RPSA2: variants seen among roughly 807,000 people sequenced by gnomAD.
The protein encoded by RPSA2 is small ribosomal subunit protein uS2B.
At chr19:23,827,847 G>T in the RPSA2 span, 1,085 of 1,356,226 alleles carry the variant, frequency 8.0e-4, 5 homozygotes, top group African/African-American at 0.014. Flanking sequence ...GAATTTCAGG[G>T]TGAATGGACT....
At chr19:23,863,197 C>T in the RPSA2 span, among the ~76,000 whole-genome samples, 1 of 152,136 alleles carries the variant, frequency 6.6e-6, no homozygotes, top group Admixed American at 6.6e-5. Flanking sequence ...GCAAACTTGG[C>T]TAAGAAATGC....
the RPSA2 span, among the ~76,000 whole-genome samples, chr19:23,778,603 G>T: frequency 6.6e-6 from 1 of 152,082 alleles, no homozygotes; most frequent in African/African-American, 2.4e-5. Context: ...TTCCTCTCCT[G>T]CCTGGTCCAT....
chr19:23,854,834 A>T, the RPSA2 span, among the ~76,000 whole-genome samples: 1 of 152,178 alleles, frequency 6.6e-6, no homozygotes, highest in South Asian at 2.1e-4. Flanking sequence ...CTCTGATCTA[A>T]TGCCTTCACA....
the RPSA2 span, among the ~76,000 whole-genome samples, chr19:23,784,645 A>T: frequency 6.6e-6 from 1 of 152,198 alleles, no homozygotes; most frequent in African/African-American, 2.4e-5. Flanking sequence ...AGTACACAGC[A>T]CACAGGTGGA....
At chr19:23,821,310 G>GC in the RPSA2 span, among the ~76,000 whole-genome samples, 1 of 152,204 alleles carries the variant, frequency 6.6e-6, no homozygotes, top group Non-Finnish European at 1.5e-5. Flanking sequence ...GGATAAGTAT[G>GC]CCACCAGGCG....
At chr19:23,802,150 C>G in the RPSA2 span, among the ~76,000 whole-genome samples, 1 of 152,168 alleles carries the variant, frequency 6.6e-6, no homozygotes, top group African/African-American at 2.4e-5. Context: ...GAGAGTGTGA[C>G]TCTTTGACCT....
At chr19:23,776,416 C>T in the RPSA2 span, among the ~76,000 whole-genome samples, 1 of 152,138 alleles carries the variant, frequency 6.6e-6, no homozygotes, top group Non-Finnish European at 1.5e-5. Flanking sequence ...CCACAGTGAA[C>T]ATTGTGAAAT....
chr19:23,802,041 A>G, the RPSA2 span, among the ~76,000 whole-genome samples: 3 of 152,244 alleles, frequency 2.0e-5, no homozygotes, highest in Non-Finnish European at 4.4e-5. Flanking sequence ...GGAATTTACA[A>G]GACAGGGCCA....
the RPSA2 span, among the ~76,000 whole-genome samples, chr19:23,866,222 C>G: frequency 1.8e-3 from 281 of 152,312 alleles, 1 homozygote; most frequent in Admixed American, 3.7e-3. Flanking sequence ...ACATGTCACA[C>G]AGGGATCACA....
chr19:23,792,677 G>A, the RPSA2 span, among the ~76,000 whole-genome samples: 2 of 151,364 alleles, frequency 1.3e-5, no homozygotes, highest in Non-Finnish European at 2.9e-5. Context: ...ACCAAGCCCG[G>A]CTAATTTTTG....
At chr19:23,861,380 G>C in the RPSA2 span, among the ~76,000 whole-genome samples, 1 of 152,082 alleles carries the variant, frequency 6.6e-6, no homozygotes, top group Non-Finnish European at 1.5e-5. Context: ...AGAGATAAGA[G>C]AGCCCCCCCA....
At chr19:23,761,931 T>TCTCTCTCTCTCTCTCTC in the RPSA2 span, among the ~76,000 whole-genome samples, 6 of 61,712 alleles carry the variant, frequency 9.7e-5, no homozygotes, top group African/African-American at 4.5e-4. Context: ...TTTTTTTTTT[T>TCTCTCTCTCTCTCTCTC]TTTTGAGATG....
At chr19:23,863,177 G>A in the RPSA2 span, among the ~76,000 whole-genome samples, 1 of 152,154 alleles carries the variant, frequency 6.6e-6, no homozygotes, top group African/African-American at 2.4e-5. Flanking sequence ...CTGATTTAAT[G>A]CAAATACAAG....
chr19:23,834,484 A>G, the RPSA2 span, among the ~76,000 whole-genome samples: 2 of 152,000 alleles, frequency 1.3e-5, no homozygotes, highest in Non-Finnish European at 2.9e-5. Flanking sequence ...TTAAGTAGAG[A>G]GGCTCTTTGT....
chr19:23,862,896 C>CTT, the RPSA2 span, among the ~76,000 whole-genome samples: 114 of 142,764 alleles, frequency 8.0e-4, no homozygotes, highest in African/African-American at 2.6e-3. Context: ...TTCTTTCTTT[C>CTT]TTTTTTTTTT....
the RPSA2 span, among the ~76,000 whole-genome samples, chr19:23,833,712 A>G: frequency 6.6e-6 from 1 of 152,160 alleles, no homozygotes; most frequent in Non-Finnish European, 1.5e-5. Flanking sequence ...TTCATATGAA[A>G]TAAAAGCATA....
the RPSA2 span, among the ~76,000 whole-genome samples, chr19:23,798,054 T>C: frequency 1.3e-5 from 2 of 151,840 alleles, no homozygotes; most frequent in South Asian, 2.1e-4. Context: ...ATCTTTGTTA[T>C]GTATTTATTT....
chr19:23,833,759 A>C, the RPSA2 span, among the ~76,000 whole-genome samples: 1 of 152,126 alleles, frequency 6.6e-6, no homozygotes, highest in Non-Finnish European at 1.5e-5. Flanking sequence ...ATTAGAAAAT[A>C]TGTCTTTAAA....
At chr19:23,807,051 T>C in the RPSA2 span, among the ~76,000 whole-genome samples, 1 of 152,174 alleles carries the variant, frequency 6.6e-6, no homozygotes, top group Non-Finnish European at 1.5e-5. Context: ...TGTTAATAAC[T>C]CACTTGCTTA....
Sources: gnomAD v4.1 joint callset for allele counts (sites outside exome capture counted in the v4.1 genomes callset) on GRCh38, gnomAD v4.1.1 for gene constraint, MANE v1.5 for transcripts, NCBI Gene and HGNC (gene_info 2026-07-23, HGNC 2026-07-21) for gene names.